RYR2: variants seen among roughly 807,000 people sequenced by gnomAD.
RYR2 encodes ryanodine receptor 2, also known as cardiac muscle ryanodine receptor-calcium release channel.
RYR2 carries 227 observed loss-of-function variants against 601.1 expected under a neutral mutation model. That is an observed-to-expected ratio of 0.38 (90% CI 0.34 to 0.42). The LOEUF (loss-of-function observed/expected upper bound fraction) is 0.42, where lower values mean the gene tolerates loss of function less well. Ranked by LOEUF, RYR2 falls within the 10% of genes least tolerant of loss-of-function variation. The probability of loss-of-function intolerance (pLI) is 1.00; values close to 1 mark genes in which losing one functional copy is unlikely to be tolerated. For missense variants in RYR2, 4,646 were observed against 6,156.5 expected (o/e 0.75, Z 8.21); for synonymous variants, 2,223 against 2,175.1 (o/e 1.02, Z -0.61).
chr1:237,098,454 A>G (rs1448354255), intron 1 of RYR2, among the ~76,000 whole-genome samples: 2 of 151,178 alleles, frequency 1.3e-5, no homozygotes, highest in Admixed American at 1.3e-4. Flanking sequence ...TGTCTTAGCA[A>G]ATTTCAGGGG....
chr1:237,828,170 T>C (rs890091078), intron 101 of RYR2, among the ~76,000 whole-genome samples: 1 of 152,122 alleles, frequency 6.6e-6, no homozygotes, highest in African/African-American at 2.4e-5. Flanking sequence ...TTTCAGTGAG[T>C]GTATGTCCCA....
chr1:237,261,705 G>A (rs1452347633), intron 1 of RYR2, among the ~76,000 whole-genome samples: 1 of 152,160 alleles, frequency 6.6e-6, no homozygotes, highest in Non-Finnish European at 1.5e-5. Context: ...AGACCAGCCT[G>A]GGCAACATGG....
chr1:237,810,716 T>C (rs534419621), intron 100 of RYR2, among the ~76,000 whole-genome samples: 253 of 152,302 alleles, frequency 1.7e-3, no homozygotes, highest in African/African-American at 5.8e-3. Flanking sequence ...AGTAGTGTCC[T>C]GATTAAGTCA....
chr1:237,463,417 G>A (rs1356683913), intron 16 of RYR2, among the ~76,000 whole-genome samples: 1 of 152,102 alleles, frequency 6.6e-6, no homozygotes, highest in Admixed American at 6.6e-5. Flanking sequence ...AGTCTTTTGT[G>A]AAATTTTGAG....
At chr1:237,135,264 A>T (rs949301694) in intron 1 of RYR2, among the ~76,000 whole-genome samples, 2 of 152,214 alleles carry the variant, frequency 1.3e-5, no homozygotes, top group Non-Finnish European at 2.9e-5. Flanking sequence ...AAGTAAAAAA[A>T]GTCCCTGTAA....
intron 10 of RYR2, among the ~76,000 whole-genome samples, chr1:237,388,909 T>C (rs10925400): frequency 0.53 from 80,607 of 151,992 alleles, 21,930 homozygotes; most frequent in Admixed American, 0.69. Context: ...CATATTAACA[T>C]GGACACTTAG....
Position 237,766,945 on chromosome 1 carries a change from T to C in RYR2, c.11477-3862T>C, listed in dbSNP as rs2149297714. 3.3e-5 allele frequency among the ~76,000 whole-genome samples: 5 copies of C among 152,330 alleles called. No individual in the cohort carries two copies. In the South Asian group the frequency reaches 1.0e-3, roughly 32 times the overall value. On this transcript the variant is annotated intron_variant, in intron 84 of 104. Transcript: ENST00000366574. ...CTCTGGAATTTATAGAACAAACAAC[T>C]GTCATACAACCTACAGAAATTCTGT...
intron 11 of RYR2, among the ~76,000 whole-genome samples, chr1:237,422,725 GTTATACTTCCTGCA>G (rs1213128466): frequency 2.0e-5 from 3 of 152,166 alleles, no homozygotes; most frequent in African/African-American, 7.2e-5. Context: ...ATTACTTGGA[GTTATACTTCCTGCA>G]TTATTTGCAT....
intron 1 of RYR2, among the ~76,000 whole-genome samples, chr1:237,193,167 C>A (rs369529681): frequency 0.01 from 381 of 37,386 alleles, 23 homozygotes; most frequent in African/African-American, 0.031. Flanking sequence ...GCTAAAAGTA[C>A]AAAAAAAAAA....
intron 29 of RYR2, among the ~76,000 whole-genome samples, chr1:237,576,578 C>T (rs190297401): frequency 2.2e-4 from 33 of 152,096 alleles, no homozygotes; most frequent in African/African-American, 7.7e-4. Context: ...TATATGATAA[C>T]GAACTCCAAA....
chr1:237,759,465 G>T (rs1317532480), intron 82 of RYR2, among the ~76,000 whole-genome samples: 1 of 152,164 alleles, frequency 6.6e-6, no homozygotes, highest in Admixed American at 6.5e-5. Flanking sequence ...CAGTTAACTT[G>T]CACTAGAGTA....
At chr1:237,700,528 C>G in intron 65 of RYR2, 61 bp downstream of exon 65, 1 of 813,098 alleles carries the variant, frequency 1.2e-6, no homozygotes, top group African/African-American at 1.7e-5. Flanking sequence ...GTAGTACAAT[C>G]AAAAACAGTA....
At chr1:237,145,686 A>G (rs61831952) in intron 1 of RYR2, among the ~76,000 whole-genome samples, 2,085 of 152,298 alleles carry the variant, frequency 0.014, 24 homozygotes, top group Non-Finnish European at 0.023. Flanking sequence ...ATAAACATGA[A>G]TGACCCAGTT....
At chr1:237,217,317 G>A (rs1043487426) in intron 1 of RYR2, among the ~76,000 whole-genome samples, 17 of 148,314 alleles carry the variant, frequency 1.1e-4, no homozygotes, top group African/African-American at 4.1e-4. Flanking sequence ...TTGAGGTTAG[G>A]AATTAAAACA....
intron 13 of RYR2, 110 bp from the exon 14 acceptor site, chr1:237,445,291 C>T (rs1708232837): frequency 7.2e-7 from 1 of 1,387,526 alleles, no homozygotes; most frequent in African/African-American, 1.4e-5. Flanking sequence ...CTGTACCTGC[C>T]TTTTGATTCT....
chr1:237,577,248 T>C (rs1286609095), intron 29 of RYR2, among the ~76,000 whole-genome samples: 6 of 152,138 alleles, frequency 3.9e-5, no homozygotes, highest in Non-Finnish European at 2.9e-5. Flanking sequence ...CGGTAATAAA[T>C]GACAACATGG....
rs146709975 is a variant in RYR2 at position 237,394,727 on chromosome 1, G to T, written c.773+6544G>T. On this transcript the variant is annotated intron_variant, in intron 10 of 104. Transcript: ENST00000366574. Reference sequence around the variant, plus strand: ...GACATCTTTGGCATGTGCTGGGTATGAAAACATGTCTAAGGCCCTGCCACT... The same window carrying T: ...GACATCTTTGGCATGTGCTGGGTATTAAAACATGTCTAAGGCCCTGCCACT... Among the ~76,000 whole-genome samples, 52 of 152,272 alleles carry T rather than the reference G, an allele frequency of 3.4e-4. 2 individuals are homozygous for T. The East Asian group carries it at 9.8e-3, about 29-fold the overall frequency.
At chr1:237,443,205 T>C (rs1209806881) in intron 13 of RYR2, among the ~76,000 whole-genome samples, 1 of 152,174 alleles carries the variant, frequency 6.6e-6, no homozygotes, top group Non-Finnish European at 1.5e-5. Flanking sequence ...TTCATGCTTT[T>C]TTTTTCTTGT....
At chr1:237,160,275 G>T (rs1349017721) in intron 1 of RYR2, among the ~76,000 whole-genome samples, 2 of 152,130 alleles carry the variant, frequency 1.3e-5, no homozygotes, top group African/African-American at 4.8e-5. Flanking sequence ...TGGAAACAAT[G>T]GATTGTCAGT....
Sources: allele counts gnomAD v4.1 joint callset (sites outside exome capture counted in the v4.1 genomes callset), GRCh38; gene constraint gnomAD v4.1.1; transcripts MANE v1.5; gene names NCBI Gene and HGNC (gene_info 2026-07-23, HGNC 2026-07-21).